Variants in NCBP2L observed in about 807,000 individuals in gnomAD.
The protein encoded by NCBP2L is nuclear cap-binding protein subunit 2-like.
For synonymous variants in NCBP2L, 39 were observed against 19.2 expected (o/e 2.04, Z -2.70); for missense variants, 95 against 53.1 (o/e 1.79, Z -2.45).
chrX:107,783,358 C>CTT (rs769083822), intron 1 of NCBP2L, among the ~76,000 whole-genome samples: 1,394 of 61,459 alleles, frequency 0.023, 17 homozygotes, highest in African/African-American at 0.037. Context: ...TGGCACTTGC[C>CTT]TTTTTTTTTT....
chrX:107,785,292 A>C (rs931613731), intron 1 of NCBP2L, among the ~76,000 whole-genome samples: 4 of 111,331 alleles, frequency 3.6e-5, no homozygotes, highest in African/African-American at 1.3e-4. Context: ...TCTGGATAGG[A>C]GGGTAGAGTG....
At chrX:107,793,960 C>A (rs1017828275) in intron 1 of NCBP2L, among the ~76,000 whole-genome samples, 189 bp from the exon 2 acceptor site, 2 of 112,211 alleles carry the variant, frequency 1.8e-5, no homozygotes, top group Non-Finnish European at 3.8e-5. Context: ...TTCAGGAAGA[C>A]TTGACAAATT....
intron 1 of NCBP2L, among the ~76,000 whole-genome samples, chrX:107,788,617 A>C (rs1234609052): frequency 8.9e-6 from 1 of 112,431 alleles, no homozygotes; most frequent in African/African-American, 3.2e-5. Context: ...CTCGCTGTGT[A>C]GTTTGACCAG....
intron 1 of NCBP2L, among the ~76,000 whole-genome samples, chrX:107,792,942 G>C (rs1208928598): frequency 8.9e-6 from 1 of 112,111 alleles, no homozygotes; most frequent in Non-Finnish European, 1.9e-5. Context: ...TTACTTGTTT[G>C]CCTTCATCAC....
rs769083822 is a variant in NCBP2L, at chrX:107,783,358, C to CTTTT, written c.-73+5518_-73+5521dup. ...ATTAGCCTGGCATGGTGGCACTTGC[C>CTTTT]TTTTTTTTTTTTTTTTTTTTTATTT... On this transcript the variant is annotated intron_variant, in intron 1 of 1. Coordinates refer to ENST00000509000, the MANE Select transcript of NCBP2L (RefSeq NM_001348372.2). Among the ~76,000 whole-genome samples, 132 of 61,861 alleles carry CTTTT rather than the reference C, an allele frequency of 2.1e-3. 2 individuals carry two copies. Among genetic ancestry groups the CTTTT allele is most frequent in the African/African-American group, 0.01 (122 of 11,837 alleles). The allele number at this position is 61,861 out of a possible 115,157, so 53.7% of individuals were successfully genotyped here.
In NCBP2L at chrX:107,794,364, T is replaced by G; in HGVS notation, c.144T>G (p.Phe48Leu). ...SSTLNMGNLSFYTTEEKIHEL... is the reference protein window; with the variant it reads ...SSTLNMGNLSLYTTEEKIHEL... ...CATTGAATATGGGGAATCTTTCCTT[T>G]TATACAACCGAAGAGAAAATACATG... Residue 48 changes from phenylalanine to leucine, a missense_variant, in exon 2 of 2, where the codon TTT (phenylalanine) becomes TTG (leucine). Phe to Leu is a conservative substitution (Grantham distance 22). Coordinates refer to ENST00000509000, the MANE Select transcript of NCBP2L (RefSeq NM_001348372.2). The G allele has an allele frequency of 1.8e-6, 1 of 570,305 alleles. No homozygotes were observed. 47.0% of individuals were successfully genotyped at this position (570,305 alleles called of 1,213,427 possible).
chrX:107,790,142 A>G (rs937815655), intron 1 of NCBP2L, among the ~76,000 whole-genome samples: 4 of 111,489 alleles, frequency 3.6e-5, no homozygotes, highest in African/African-American at 1.3e-4. Context: ...CTATCTACAC[A>G]GTGCTGAAAC....
At chrX:107,783,375 T>TTA (rs1323610956) in intron 1 of NCBP2L, among the ~76,000 whole-genome samples, 43 of 87,550 alleles carry the variant, frequency 4.9e-4, no homozygotes, top group African/African-American at 1.8e-3. Flanking sequence ...TTTTTTTTTT[T>TTA]TTTTATTTTT....
Position 107,781,472 on chromosome X carries a change from A to AT in NCBP2L, c.-73+3635dup, listed in dbSNP as rs769639335. Reference sequence around the variant, plus strand: ...AGGTGAGTACCACCACGCCCGGCTAATTTTTTTTTTTTTTTTTTTTTGTGG... The same window carrying AT: ...AGGTGAGTACCACCACGCCCGGCTAATTTTTTTTTTTTTTTTTTTTTTGTGG... On this transcript the variant is annotated intron_variant, in intron 1 of 1. Coordinates refer to ENST00000509000, the MANE Select transcript of NCBP2L (RefSeq NM_001348372.2). 9.9e-3 allele frequency among the ~76,000 whole-genome samples: 731 copies of AT among 73,836 alleles called. 6 individuals carry two copies. The highest frequency in any genetic ancestry group is 0.023 in the East Asian group (62 of 2,681). 64.1% of individuals were successfully genotyped at this position (73,836 alleles called of 115,157 possible).
chrX:107,782,235 AAATATATATATATAAAT>A (rs1930312753), intron 1 of NCBP2L, among the ~76,000 whole-genome samples: 6 of 21,625 alleles, frequency 2.8e-4, no homozygotes, highest in Non-Finnish European at 4.0e-4. Context: ...ATATATATAT[AAATATATATATATAAAT>A]ATATATATAA....
intron 1 of NCBP2L, among the ~76,000 whole-genome samples, chrX:107,788,855 C>T (rs1650968417): frequency 9.0e-6 from 1 of 111,595 alleles, no homozygotes; most frequent in Non-Finnish European, 1.9e-5. Flanking sequence ...ATCCTTCCTA[C>T]TATCATCTGC....
chrX:107,790,312 C>T (rs1022736079), intron 1 of NCBP2L, among the ~76,000 whole-genome samples: 7 of 111,918 alleles, frequency 6.3e-5, no homozygotes, highest in African/African-American at 2.3e-4. Context: ...CAAATAGCTC[C>T]GTAACTGGTC....
At position 107,794,617 on chromosome X, in the gene NCBP2L, A is replaced by G; in HGVS notation, c.397A>G (p.Arg133Gly). The change falls in exon 2 of 2, where the codon AGG (arginine) becomes GGG (glycine). Residue 133 changes from arginine to glycine, a missense_variant. Transcript: ENST00000509000. ...TCGCGGTAAATCTGGGGGTCAGGTA[A>G]GGGATGAGTTTCGTGAAGATTTTCA... Reference protein sequence around the residue: ...YGRGKSGGQVRDEFREDFHSG... With the variant: ...YGRGKSGGQVGDEFREDFHSG... The G allele has an allele frequency of 1.8e-6, 1 of 569,683 alleles. No homozygotes were observed. Among genetic ancestry groups the G allele is most frequent in the Non-Finnish European group, 3.2e-6 (1 of 309,367 alleles). The allele number at this position is 569,683 out of a possible 1,213,427, so 46.9% of individuals were successfully genotyped here. A position where few individuals can be genotyped will look rare whatever the true frequency, so the allele number is the denominator to read the frequency against.
chrX:107,789,809 C>G (rs1339664556), intron 1 of NCBP2L, among the ~76,000 whole-genome samples: 1 of 110,005 alleles, frequency 9.1e-6, no homozygotes, highest in Non-Finnish European at 1.9e-5. Context: ...TCGTCTGCCA[C>G]CCCTTAAATG....
intron 1 of NCBP2L, among the ~76,000 whole-genome samples, chrX:107,778,174 C>T (rs1164850000): frequency 1.8e-5 from 2 of 111,673 alleles, no homozygotes; most frequent in Non-Finnish European, 3.8e-5. Context: ...AACGTTATAG[C>T]AAAATATATT....
Position 107,794,601 on chromosome X carries a change from A to T in NCBP2L, c.381A>T (p.Lys127Asn), listed in dbSNP as rs745820839. ...AGGGTCAACAGTATGGTCGCGGTAA[A>T]TCTGGGGGTCAGGTAAGGGATGAGT... ...FREGQQYGRG[K>N]SGGQVRDEFR... The change falls in exon 2 of 2, where the codon AAA (lysine) becomes AAT (asparagine). Residue 127 changes from lysine (K) to asparagine (N), a missense_variant. Physicochemically the swap from Lys to Asn is moderately conservative, Grantham distance 94. Coordinates refer to ENST00000509000, the MANE Select transcript of NCBP2L (RefSeq NM_001348372.2). The T allele has an allele frequency of 1.8e-6, 1 of 569,740 alleles. No individual in the cohort carries two copies. Among genetic ancestry groups the T allele is most frequent in the Non-Finnish European group, 3.2e-6 (1 of 309,424 alleles). 47.0% of individuals were successfully genotyped at this position (569,740 alleles called of 1,213,427 possible).
intron 1 of NCBP2L, among the ~76,000 whole-genome samples, chrX:107,787,800 C>T (rs746993164): frequency 8.9e-6 from 1 of 111,971 alleles, no homozygotes; most frequent in African/African-American, 3.2e-5. Flanking sequence ...GAGCTACTGC[C>T]TTCATCTGGA....
intron 1 of NCBP2L, among the ~76,000 whole-genome samples, chrX:107,779,744 T>A: frequency 1.3e-5 from 1 of 79,326 alleles, no homozygotes; most frequent in Non-Finnish European, 2.4e-5. Flanking sequence ...CTGAATTTTT[T>A]TTTTTTTTTT....
intron 1 of NCBP2L, among the ~76,000 whole-genome samples, chrX:107,789,648 C>T (rs1930427436): frequency 9.0e-6 from 1 of 111,236 alleles, no homozygotes; most frequent in African/African-American, 3.3e-5. Context: ...CTGGACCTCT[C>T]TCTGATGTAT....
Sources: gnomAD v4.1 joint callset for allele counts (sites outside exome capture counted in the v4.1 genomes callset) on GRCh38, gnomAD v4.1.1 for gene constraint, MANE v1.5 for transcripts, NCBI Gene and HGNC (gene_info 2026-07-23, HGNC 2026-07-21) for gene names.